The following AMPD3 variants were observed in gnomAD, a reference collection of about 807,000 sequenced individuals.
The protein encoded by AMPD3 is adenosine monophosphate deaminase 3.
AMPD3 carries 57 observed loss-of-function variants against 82.3 expected under a neutral mutation model. That is an observed-to-expected ratio of 0.69 (90% CI 0.56 to 0.86). AMPD3 has a LOEUF of 0.86. AMPD3 is among the 40% of genes least tolerant of loss of function. The pLI is 0.00. For missense variants in AMPD3, 870 were observed against 1,003.8 expected (o/e 0.87, Z 1.80); for synonymous variants, 381 against 394.7 (o/e 0.97, Z 0.41).
At chr11:10,481,843 G>T (rs992638379) in intron 3 of AMPD3, 16 of 604,830 alleles carry the variant, frequency 2.6e-5, no homozygotes, top group African/African-American at 2.2e-4. Context: ...TCAAATTCCA[G>T]GCTCCAGAAG....
At chr11:10,475,645 TA>T (rs774207922) in intron 2 of AMPD3, among the ~76,000 whole-genome samples, 12 of 152,116 alleles carry the variant, frequency 7.9e-5, no homozygotes, top group African/African-American at 2.7e-4. Flanking sequence ...GACCTTAAGA[TA>T]GGGGGGTTAT....
At chr11:10,479,782 A>C in intron 3 of AMPD3, 1 of 442,558 alleles carries the variant, frequency 2.3e-6, no homozygotes, top group Non-Finnish European at 3.0e-6. Flanking sequence ...ATAATGCCAT[A>C]TCAATATATA....
chr11:10,470,447 A>G (rs535738379), intron 2 of AMPD3, among the ~76,000 whole-genome samples: 13 of 152,340 alleles, frequency 8.5e-5, no homozygotes, highest in South Asian at 2.1e-4. Flanking sequence ...TCAACATAGT[A>G]TTGGAAGTTC....
At chr11:10,467,345 C>T (rs1381812949) in intron 2 of AMPD3, among the ~76,000 whole-genome samples, 2 of 152,112 alleles carry the variant, frequency 1.3e-5, no homozygotes, top group Non-Finnish European at 2.9e-5. Context: ...AGCAGAAAAA[C>T]ACAGCACGAG....
intron 13 of AMPD3, 85 bp downstream of exon 13, chr11:10,502,979 G>C: frequency 6.7e-7 from 1 of 1,481,948 alleles, no homozygotes; most frequent in South Asian, 1.2e-5. Context: ...TGAGCCCATG[G>C]CTTAGTTCTG....
At chr11:10,464,438 AC>A (rs1345168554) in intron 2 of AMPD3, among the ~76,000 whole-genome samples, 1 of 152,128 alleles carries the variant, frequency 6.6e-6, no homozygotes, top group African/African-American at 2.4e-5. Context: ...TTGAATCTAG[AC>A]CCCACACTTC....
upstream of AMPD3, chr11:10,450,797 C>T (rs776710531): frequency 4.2e-6 from 5 of 1,176,806 alleles, no homozygotes; most frequent in Non-Finnish European, 5.2e-6. Context: ...ACGCGGCTGG[C>T]CGGCTTCCTC....
At chr11:10,489,769 C>G (rs1849188329) in intron 6 of AMPD3, among the ~76,000 whole-genome samples, 1 of 152,102 alleles carries the variant, frequency 6.6e-6, no homozygotes, top group South Asian at 2.1e-4. Flanking sequence ...CAACCTCAGC[C>G]TCCTGGGTTC....
At chr11:10,451,511 C>T (rs1847962934), upstream of AMPD3, among the ~76,000 whole-genome samples, 1 of 152,214 alleles carries the variant, frequency 6.6e-6, no homozygotes, top group African/African-American at 2.4e-5. Context: ...GGTGTACAGC[C>T]TTGGGCTCTG....
chr11:10,451,114 AG>A (rs961967799), upstream of AMPD3: 1 of 1,538,512 alleles, frequency 6.5e-7, no homozygotes, highest in Non-Finnish European at 8.7e-7. Flanking sequence ...GGCGGGAATC[AG>A]CAGCGCCCTG....
At chr11:10,471,747 A>T (rs1436289079) in intron 2 of AMPD3, among the ~76,000 whole-genome samples, 2 of 152,270 alleles carry the variant, frequency 1.3e-5, no homozygotes, top group Non-Finnish European at 2.9e-5. Flanking sequence ...CCACAATGAG[A>T]TACCATCTCA....
intron 2 of AMPD3, among the ~76,000 whole-genome samples, chr11:10,472,732 G>T (rs926272195): frequency 6.6e-6 from 1 of 152,074 alleles, no homozygotes; most frequent in Non-Finnish European, 1.5e-5. Context: ...GGCTGGGCGC[G>T]GTGGCTCACA....
Position 10,487,192 on chromosome 11 carries a change from C to T in AMPD3, c.810-43C>T, listed in dbSNP as rs376604546. 84 of 1,612,712 alleles carry T rather than the reference C, an allele frequency of 5.2e-5. No individual in the cohort carries two copies. The Middle Eastern group carries it at 6.6e-4, about 13-fold the overall frequency. On this transcript the variant is annotated intron_variant, in intron 5 of 14. Coordinates refer to ENST00000396553, the MANE Select transcript of AMPD3 (RefSeq NM_001025389.2). ...CTGGAGGCCTCCAAACTGGAGAGCT[C>T]GATGCGACTCAACTATGGTCTCTCC...
chr11:10,456,177 A>T lies in AMPD3; in HGVS notation c.-6+729A>T. ...CAGGGCTCTTGGAAATTTTCCACTC[A>T]TATTTCATATTCACGAGAGAATTTC... On this transcript the variant is annotated intron_variant, in intron 1 of 14. Transcript: ENST00000396553. This position sits in a 1 kb window ranked among gnomAD's most constrained non-coding sequence, Gnocchi z 4.3. The T allele has an allele frequency of 7.1e-7, 1 of 1,408,278 alleles. No individual in the cohort carries two copies. The highest frequency in any genetic ancestry group is 3.0e-5 in the Admixed American group (1 of 33,832). The allele number at this position is 1,408,278 out of a possible 1,614,324, so 87.2% of individuals were successfully genotyped here.
intron 2 of AMPD3, among the ~76,000 whole-genome samples, chr11:10,467,209 C>G (rs1848446484): frequency 6.6e-6 from 1 of 152,070 alleles, no homozygotes; most frequent in South Asian, 2.1e-4. Flanking sequence ...TGGGTAATAA[C>G]AAACGCCTCT....
chr11:10,489,679 G>C (rs917008421), intron 6 of AMPD3, among the ~76,000 whole-genome samples: 4 of 149,952 alleles, frequency 2.7e-5, no homozygotes, highest in African/African-American at 7.5e-5. Context: ...ATAGCACTCT[G>C]TCTCTCTTTT....
chr11:10,502,266 A>G, intron 12 of AMPD3: 1 of 985,250 alleles, frequency 1.0e-6, no homozygotes, highest in Non-Finnish European at 1.2e-6. Flanking sequence ...GGGCAGGTCC[A>G]CCCCTCCCAT....
chr11:10,466,804 T>C (rs926790154), intron 2 of AMPD3, among the ~76,000 whole-genome samples: 1 of 152,188 alleles, frequency 6.6e-6, no homozygotes, highest in Non-Finnish European at 1.5e-5. Flanking sequence ...CTGGCTGGCA[T>C]CAGGCAAGTG....
intron 3 of AMPD3, among the ~76,000 whole-genome samples, chr11:10,480,597 T>C (rs1848875702): frequency 7.0e-6 from 1 of 141,926 alleles, no homozygotes; most frequent in African/African-American, 2.5e-5. Context: ...TTCAGACTTC[T>C]TCCCTCTGAG....
Sources: gnomAD v4.1 joint callset for allele counts (sites outside exome capture counted in the v4.1 genomes callset) on GRCh38, gnomAD v4.1.1 for gene constraint, Gnocchi (gnomAD v3.1) non-coding constraint, MANE v1.5 for transcripts, NCBI Gene and HGNC (gene_info 2026-07-23, HGNC 2026-07-21) for gene names.